The following POLN variants were observed in gnomAD, a reference collection of about 807,000 sequenced individuals.
POLN encodes the protein DNA polymerase N.
Under a neutral mutation model 113.5 loss-of-function variants are expected in POLN, and 108 were observed. That is an observed-to-expected ratio of 0.95 (90% confidence interval 0.81 to 1.12). POLN has a LOEUF of 1.12. POLN is among the 50% of genes most tolerant of loss of function. The probability of loss-of-function intolerance (pLI) is 0.00; values close to 1 mark genes in which losing one functional copy is unlikely to be tolerated. For missense variants in POLN, 1,097 were observed against 1,077.1 expected, an observed-to-expected ratio of 1.02 and a Z score of -0.26; for synonymous variants, 386 against 391.5, an observed-to-expected ratio of 0.99 and a Z score of 0.17.
intron 5 of POLN, among the ~76,000 whole-genome samples, chr4:2,206,036 C>T (rs1577770539): frequency 1.3e-5 from 2 of 152,112 alleles, no homozygotes; most frequent in East Asian, 3.9e-4. Flanking sequence ...CAGCATGGTA[C>T]TGGTATAAAA....
chr4:2,137,763 C>T (rs964396389), intron 16 of POLN, among the ~76,000 whole-genome samples: 4 of 152,198 alleles, frequency 2.6e-5, no homozygotes, highest in African/African-American at 9.7e-5. Context: ...TGTATCGTTT[C>T]TCATTCCACA....
Position 2,193,216 on chromosome 4 carries a change from T to C in POLN, c.1009A>G (p.Ser337Gly). The stretch of plus-strand genomic sequence containing the variant: ...AAATATAACTTACCATGCTTCCAAC[T>C]GCCATCATTGCCAAAAAACTGCAGC... Reference protein sequence around the residue: ...IVLQFFGNDGSWKHVADFIGL... With the variant: ...IVLQFFGNDGGWKHVADFIGL... Residue 337 changes from serine (S) to glycine (G), a missense_variant, in exon 7 of 26, where the codon AGT becomes GGT. Coordinates refer to ENST00000511885, the MANE Select transcript of POLN (RefSeq NM_181808.4). 2 of 1,599,084 alleles carry C rather than the reference T, an allele frequency of 1.3e-6. No individual in the cohort carries two copies. The highest frequency in any genetic ancestry group is 2.7e-5 in the African/African-American group (2 of 73,544).
Position 2,198,620 on chromosome 4 carries a change from A to G in POLN, c.812T>C (p.Leu271Pro). The G allele has an allele frequency of 1.2e-6, 2 of 1,614,078 alleles. No individual in the cohort carries two copies. The highest frequency in any genetic ancestry group is 1.7e-6 in the Non-Finnish European group (2 of 1,180,012). Residue 271 changes from leucine to proline, a missense_variant, in exon 6 of 26, where the codon CTG (leucine) becomes CCG (proline). Transcript: ENST00000511885. ...CPDAPACGPV[L>P]EGFVSDDPCI... ...TGGATCATCTGACACAAAGCCCTCCAGAACAGGACCACAGGCCGGGGCATC... is the reference window on the plus strand; with the variant it reads ...TGGATCATCTGACACAAAGCCCTCCGGAACAGGACCACAGGCCGGGGCATC...
In POLN at chr4:2,079,572, A is replaced by G. The variant is rs553300397; in HGVS notation, c.2387+1386T>C. The G allele has an allele frequency of 3.0e-5, 30 of 985,410 alleles. No homozygotes were observed. The South Asian group carries it at 9.9e-4, about 32-fold the overall frequency. 61.0% of individuals were successfully genotyped at this position (985,410 alleles called of 1,614,324 possible). A position where few individuals can be genotyped will look rare whatever the true frequency, so the allele number is the denominator to read the frequency against. On this transcript the variant is annotated intron_variant, in intron 23 of 25. Coordinates refer to ENST00000511885, the MANE Select transcript of POLN (RefSeq NM_181808.4). ...AGATGGCAGTGAGATGGGGCAGGAG[A>G]GGACTGAGAGTGAATCTTATTTTTT... is the stretch of plus-strand genomic sequence containing the variant.
At chr4:2,134,660 C>T (rs1731807537) in intron 16 of POLN, among the ~76,000 whole-genome samples, 1 of 152,168 alleles carries the variant, frequency 6.6e-6, no homozygotes, top group Admixed American at 6.5e-5. Flanking sequence ...AAGCAGACTT[C>T]CTCCTTTCCT....
chr4:2,220,353 C>G (rs2108769589), intron 3 of POLN, among the ~76,000 whole-genome samples: 1 of 152,334 alleles, frequency 6.6e-6, no homozygotes, highest in Middle Eastern at 3.4e-3. Flanking sequence ...GACATTCTAG[C>G]CAGCCCTCCA....
Position 2,170,732 on chromosome 4 carries a change from TC to T in POLN, c.1500del (p.Asn501ThrfsTer19). ...GKLKLHLLSQ[R>X]NSLPRTGLQK... ...TGCAACCCCGTTCTGGGGAGACTGT[TC>T]CTTTGACTCAGCAGGTGCAGCTTTA... On this transcript the variant is annotated frameshift_variant, in exon 13 of 26. Coordinates refer to ENST00000511885, the MANE Select transcript of POLN (RefSeq NM_181808.4). LOFTEE classifies it high-confidence loss of function. 6.2e-7 allele frequency: 1 copy of T among 1,614,168 alleles called. No homozygotes were observed. The highest frequency in any genetic ancestry group is 1.1e-5 in the South Asian group (1 of 91,066).
chr4:2,147,643 C>CTTTTTCTTTTT, intron 16 of POLN, among the ~76,000 whole-genome samples: 1 of 79,364 alleles, frequency 1.3e-5, no homozygotes, highest in South Asian at 4.7e-4. Flanking sequence ...TTTTTCTTTT[C>CTTTTTCTTTTT]TTTTTTTTTT....
chr4:2,107,173 T>C (rs1731085666), intron 19 of POLN, among the ~76,000 whole-genome samples: 2 of 152,214 alleles, frequency 1.3e-5, no homozygotes, highest in East Asian at 3.8e-4. Context: ...AATTTCTGTA[T>C]ATTAATTTGT....
intron 3 of POLN, among the ~76,000 whole-genome samples, chr4:2,222,280 G>A (rs1216706078): frequency 1.3e-5 from 2 of 152,070 alleles, no homozygotes; most frequent in Admixed American, 6.6e-5. Context: ...TCTTGGCCAG[G>A]TGGAGGTGGC....
intron 8 of POLN, among the ~76,000 whole-genome samples, chr4:2,178,987 G>A (rs572740466): frequency 6.6e-6 from 1 of 152,192 alleles, no homozygotes; most frequent in African/African-American, 2.4e-5. Context: ...TGGCACTGTG[G>A]CCACGTCACC....
chr4:2,208,127 C>T lies in POLN; in HGVS notation c.574G>A (p.Ala192Thr), dbSNP rs751707556. The change falls in exon 5 of 26, where the codon GCA becomes ACA. Residue 192 changes from alanine to threonine, a missense_variant. Coordinates refer to ENST00000511885, the MANE Select transcript of POLN (RefSeq NM_181808.4). ...EGYLNSGNSG[A>T]LKKHFCDIRH... ...ATATCACAAAAATGTTTTTTCAATG[C>T]TCCTGAGTTCCCAGAATTTAGGTAG... 1.9e-6 allele frequency: 3 copies of T among 1,614,182 alleles called. No individual in the cohort carries two copies. The highest frequency in any genetic ancestry group is 2.5e-6 in the Non-Finnish European group (3 of 1,180,032).
At chr4:2,123,209 C>T (rs937719043) in intron 19 of POLN, among the ~76,000 whole-genome samples, 10 of 152,150 alleles carry the variant, frequency 6.6e-5, no homozygotes, top group African/African-American at 2.2e-4. Flanking sequence ...CAAACCTCAG[C>T]TGGGCGTGGT....
intron 16 of POLN, among the ~76,000 whole-genome samples, chr4:2,132,527 A>T (rs1198971265): frequency 6.6e-6 from 1 of 152,226 alleles, no homozygotes; most frequent in Admixed American, 6.5e-5. Flanking sequence ...AAAGATAACC[A>T]GGCCCAGAAA....
intron 2 of POLN, chr4:2,236,482 G>A: frequency 6.7e-7 from 1 of 1,496,694 alleles, no homozygotes; most frequent in Non-Finnish European, 9.3e-7. Context: ...TAAAATTATA[G>A]GGAAAAATTA....
chr4:2,084,741 C>A (rs1233002398), intron 21 of POLN, among the ~76,000 whole-genome samples: 1 of 152,078 alleles, frequency 6.6e-6, no homozygotes, highest in Non-Finnish European at 1.5e-5. Context: ...GGAAACAGGC[C>A]GCAGCATCTA....
chr4:2,187,573 G>A (rs1401414475), intron 7 of POLN, among the ~76,000 whole-genome samples: 1 of 152,052 alleles, frequency 6.6e-6, no homozygotes, highest in African/African-American at 2.4e-5. Flanking sequence ...AAATATCCAG[G>A]TAGAGGAAGG....
At chr4:2,090,294 T>C in intron 20 of POLN, 1 of 812,400 alleles carries the variant, frequency 1.2e-6, no homozygotes, top group South Asian at 1.6e-5. Context: ...ATCAAACTTG[T>C]TCTTCAGAAC....
chr4:2,199,334 T>A (rs1323415400), intron 5 of POLN, among the ~76,000 whole-genome samples: 1 of 152,072 alleles, frequency 6.6e-6, no homozygotes, highest in African/African-American at 2.4e-5. Context: ...AAACTCAACA[T>A]AATAATGTTT....
Sources: gnomAD v4.1 joint callset for allele counts (sites outside exome capture counted in the v4.1 genomes callset) on GRCh38, gnomAD v4.1.1 for gene constraint, MANE v1.5 for transcripts, NCBI Gene and HGNC (gene_info 2026-07-23, HGNC 2026-07-21) for gene names.